The following LMBRD1 variants were observed in gnomAD, a reference collection of about 807,000 sequenced individuals.
LMBRD1 encodes the protein LMBR1 domain containing 1, also known as lysosomal cobalamin transport escort protein LMBD1.
LMBRD1 carries 64 observed loss-of-function variants against 74.8 expected under a neutral mutation model. That is an observed-to-expected ratio of 0.86 (90% CI 0.70 to 1.05). The LOEUF (loss-of-function observed/expected upper bound fraction) is 1.05. Ranked by LOEUF, LMBRD1 falls within the 50% of genes least tolerant of loss-of-function variation. The pLI, the probability that LMBRD1 is intolerant of heterozygous loss-of-function variation, is 0.00. For missense variants in LMBRD1, 652 were observed against 645.9 expected, an observed-to-expected ratio of 1.01 and a Z score of -0.10; for synonymous variants, 204 against 216.3, an observed-to-expected ratio of 0.94 and a Z score of 0.50.
chr6:69,733,076 A>G (rs76742858), intron 7 of LMBRD1, among the ~76,000 whole-genome samples: 2,295 of 152,264 alleles, frequency 0.015, 63 homozygotes, highest in African/African-American at 0.052. Flanking sequence ...TCAAAAATAA[A>G]CAATAATACA....
At chr6:69,775,030 G>A (rs9689067) in intron 3 of LMBRD1, among the ~76,000 whole-genome samples, 42 of 112,246 alleles carry the variant, frequency 3.7e-4, no homozygotes, top group South Asian at 6.5e-4. Context: ...AGGGAGGGAG[G>A]GAGGGAAGGA....
At chr6:69,689,574 G>A (rs1765834679) in intron 14 of LMBRD1, among the ~76,000 whole-genome samples, 1 of 152,104 alleles carries the variant, frequency 6.6e-6, no homozygotes, top group South Asian at 2.1e-4. Flanking sequence ...TGGGAAATCA[G>A]TCTTGATAAA....
chr6:69,697,513 G>C (rs1285120696), intron 14 of LMBRD1, 50 bp downstream of exon 14: 1 of 1,257,850 alleles, frequency 8.0e-7, no homozygotes, highest in East Asian at 2.3e-5. Context: ...CAAAATGCCA[G>C]GAAATTCTTT....
chr6:69,781,375 A>G (rs1204760925), intron 2 of LMBRD1, among the ~76,000 whole-genome samples: 8 of 152,338 alleles, frequency 5.3e-5, no homozygotes, highest in Admixed American at 5.2e-4. Flanking sequence ...TATCACTGCT[A>G]TTAAGTATAA....
chr6:69,748,612 A>G (rs1414095861), intron 5 of LMBRD1, among the ~76,000 whole-genome samples: 1 of 152,116 alleles, frequency 6.6e-6, no homozygotes, highest in Non-Finnish European at 1.5e-5. Flanking sequence ...TATTTATTGA[A>G]AATTGTGAGA....
chr6:69,690,165 A>T (rs1765847108), intron 14 of LMBRD1, among the ~76,000 whole-genome samples: 1 of 151,934 alleles, frequency 6.6e-6, no homozygotes, highest in Non-Finnish European at 1.5e-5. Context: ...GATAATTCTA[A>T]CACAGATTTT....
Position 69,737,970 on chromosome 6 carries a change from A to G in LMBRD1, c.608T>C (p.Ile203Thr), listed in dbSNP as rs769497408. Reference protein sequence around the residue: ...LSFSISSLTLIGMLAAITYTA... With the variant: ...LSFSISSLTLTGMLAAITYTA... Reference sequence around the variant, plus strand: ...GTAAGTTATAGCTGCCAACATTCCAATCAAGGTCAGAGAACTGATAGAAAA... The same window carrying G: ...GTAAGTTATAGCTGCCAACATTCCAGTCAAGGTCAGAGAACTGATAGAAAA... The change falls in exon 7 of 16, where the codon ATT (isoleucine) becomes ACT (threonine). Residue 203 changes from isoleucine (I) to threonine (T), a missense_variant. Ile to Thr is a moderately conservative substitution (Grantham distance 89, BLOSUM62 -1). Transcript: ENST00000649934. The G allele has an allele frequency of 2.5e-6, 4 of 1,611,260 alleles. No individual in the cohort carries two copies. The highest frequency in any genetic ancestry group is 1.3e-5 in the African/African-American group (1 of 74,826).
intron 6 of LMBRD1, among the ~76,000 whole-genome samples, chr6:69,738,463 T>C (rs1377943229): frequency 6.6e-6 from 1 of 152,144 alleles, no homozygotes; most frequent in African/African-American, 2.4e-5. Context: ...TTCTTAATTT[T>C]CAAATTGGTT....
chr6:69,713,035 TC>T (rs1298688073), intron 9 of LMBRD1, among the ~76,000 whole-genome samples: 1 of 151,992 alleles, frequency 6.6e-6, no homozygotes, highest in African/African-American at 2.4e-5. Flanking sequence ...CAATTGCATC[TC>T]CATAAAAGTG....
chr6:69,730,220 C>T (rs567935220), intron 7 of LMBRD1, among the ~76,000 whole-genome samples: 2 of 151,972 alleles, frequency 1.3e-5, no homozygotes, highest in South Asian at 2.1e-4. Context: ...CTTCTTTTAC[C>T]GCTCAGTTTA....
intron 14 of LMBRD1, 30 bp from the exon 15 acceptor site, chr6:69,676,571 G>T: frequency 6.7e-7 from 1 of 1,494,314 alleles, no homozygotes; most frequent in Non-Finnish European, 9.3e-7. Context: ...ACTATGGTGA[G>T]ATAGGTTCTT....
chr6:69,694,087 T>C (rs1456280524), intron 14 of LMBRD1, among the ~76,000 whole-genome samples: 1 of 152,030 alleles, frequency 6.6e-6, no homozygotes, highest in Admixed American at 6.5e-5. Flanking sequence ...AAAAGAAAAA[T>C]ACTGAATCTG....
chr6:69,742,050 G>A (rs565338255), intron 5 of LMBRD1, among the ~76,000 whole-genome samples, 173 bp from the exon 6 acceptor site: 5 of 152,238 alleles, frequency 3.3e-5, no homozygotes, highest in Middle Eastern at 3.4e-3. Context: ...AAATTTAATA[G>A]TTGTATTACT....
intron 14 of LMBRD1, among the ~76,000 whole-genome samples, chr6:69,689,883 G>A (rs193011259): frequency 2.6e-5 from 4 of 151,990 alleles, no homozygotes; most frequent in Non-Finnish European, 4.4e-5. Context: ...GAAAAATAAC[G>A]AGAGAGAAAG....
chr6:69,696,561 TTAAGG>T (rs1303000373), intron 14 of LMBRD1, among the ~76,000 whole-genome samples: 5 of 152,130 alleles, frequency 3.3e-5, no homozygotes, highest in Non-Finnish European at 7.4e-5. Context: ...CCTGTGCAAT[TTAAGG>T]TAATTGTTTG....
At chr6:69,758,908 C>T (rs1386952311) in intron 3 of LMBRD1, among the ~76,000 whole-genome samples, 1 of 152,056 alleles carries the variant, frequency 6.6e-6, no homozygotes, top group Non-Finnish European at 1.5e-5. Flanking sequence ...TATACTTCTC[C>T]TTGCATTAAC....
At chr6:69,686,200 C>T (rs1353045026) in intron 14 of LMBRD1, among the ~76,000 whole-genome samples, 1 of 152,080 alleles carries the variant, frequency 6.6e-6, no homozygotes, top group East Asian at 1.9e-4. Context: ...AATACATTAC[C>T]AAAATAAGGC....
At chr6:69,717,656 T>C (rs1766521481) in intron 8 of LMBRD1, among the ~76,000 whole-genome samples, 1 of 152,178 alleles carries the variant, frequency 6.6e-6, no homozygotes, top group African/African-American at 2.4e-5. Context: ...TTATGAAATA[T>C]TCTCTTATTA....
chr6:69,777,444 C>CAAAAA (rs71741122), intron 3 of LMBRD1, among the ~76,000 whole-genome samples: 1 of 104,170 alleles, frequency 9.6e-6, no homozygotes, highest in African/African-American at 4.2e-5. Context: ...GACTCTGTTG[C>CAAAAA]AAAAAAAAAA....
Sources: gnomAD v4.1 joint callset for allele counts (sites outside exome capture counted in the v4.1 genomes callset) on GRCh38, gnomAD v4.1.1 for gene constraint, MANE v1.5 for transcripts, NCBI Gene and HGNC (gene_info 2026-07-23, HGNC 2026-07-21) for gene names.